The following ELP2 variants were observed in gnomAD, a reference collection of about 807,000 sequenced individuals.
ELP2 encodes elongator acetyltransferase complex subunit 2.
A neutral mutation model predicts 119.2 loss-of-function variants in ELP2; 90 were observed. The ratio of observed to expected loss-of-function variants is 0.75; its 90% confidence interval spans 0.64 to 0.90. ELP2 has a LOEUF of 0.90. ELP2 is among the 40% of genes least tolerant of loss of function. The pLI, the probability that ELP2 is intolerant of heterozygous loss-of-function variation, is 0.00. For synonymous variants in ELP2, 339 were observed against 331.0 expected, an observed-to-expected ratio of 1.02 and a Z score of -0.26; for missense variants, 921 against 967.8, an observed-to-expected ratio of 0.95 and a Z score of 0.64.
intron 6 of ELP2, among the ~76,000 whole-genome samples, chr18:36,141,673 T>G (rs8098627): frequency 0.36 from 54,465 of 151,504 alleles, 9,887 homozygotes; most frequent in Middle Eastern, 0.44. Flanking sequence ...AAAATGGTTG[T>G]GAAAGTCCAG....
At chr18:36,146,562 G>A (rs944085849) in intron 11 of ELP2, among the ~76,000 whole-genome samples, 181 bp downstream of exon 11, 4 of 152,138 alleles carry the variant, frequency 2.6e-5, no homozygotes, top group African/African-American at 4.8e-5. Flanking sequence ...AATTTGCTAC[G>A]TAAGTGCACT....
chr18:36,177,532 A>G lies in ELP2; in HGVS notation c.*2891A>G, dbSNP rs2091252775. The G allele has an allele frequency of 2.0e-5, 3 of 152,352 alleles. No individual in the cohort carries two copies. The South Asian group carries it at 6.2e-4, about 32-fold the overall frequency. 9.4% of individuals were successfully genotyped at this position (152,352 alleles called of 1,614,324 possible). ...AAATGAGGAGTTGTTTAATGGGTATAGTGTTTCAGTTTTGCAAGATAAAAA... is the reference window on the plus strand; with the variant it reads ...AAATGAGGAGTTGTTTAATGGGTATGGTGTTTCAGTTTTGCAAGATAAAAA... On this transcript the variant is annotated 3_prime_UTR_variant, in exon 22 of 22. Transcript: ENST00000358232.
In ELP2 at chr18:36,136,462, C is replaced by T. The variant is rs1043929795; in HGVS notation, c.288+85C>T. ...GTAGAGTTTCACTCTGTCACCCAGG[C>T]TGACGTGCAGTGGTGCGATCGTGGC... On this transcript the variant is annotated intron_variant, in intron 3 of 21. Coordinates refer to ENST00000358232, the MANE Select transcript of ELP2 (RefSeq NM_018255.4). 11 of 1,125,836 alleles carry T rather than the reference C, an allele frequency of 9.8e-6. No individual in the cohort carries two copies. In the Admixed American group the frequency reaches 1.7e-4, roughly 17 times the overall value. The allele number at this position is 1,125,836 out of a possible 1,614,324, so 69.7% of individuals were successfully genotyped here.
At chr18:36,161,609 T>G (rs764736890) in intron 17 of ELP2, among the ~76,000 whole-genome samples, 4 of 152,184 alleles carry the variant, frequency 2.6e-5, no homozygotes, top group Non-Finnish European at 5.9e-5. Flanking sequence ...CCATATCCTG[T>G]GGAATGATAT....
At chr18:36,151,042 C>T (rs2090380967) in intron 11 of ELP2, among the ~76,000 whole-genome samples, 1 of 151,596 alleles carries the variant, frequency 6.6e-6, no homozygotes. Context: ...TGCCCCACGC[C>T]AGATCAGATT....
At chr18:36,157,988 G>A (rs1370137878) in intron 13 of ELP2, among the ~76,000 whole-genome samples, 1 of 152,196 alleles carries the variant, frequency 6.6e-6, no homozygotes, top group Non-Finnish European at 1.5e-5. Flanking sequence ...ATCCTGTAGA[G>A]TAGCGAGCTG....
At position 36,138,309 on chromosome 18, in the gene ELP2, G is replaced by A. The variant is rs369683728; in HGVS notation, c.328G>A (p.Val110Ile). The A allele has an allele frequency of 1.9e-6, 3 of 1,614,004 alleles. No individual in the cohort carries two copies. Among genetic ancestry groups the A allele is most frequent in the African/African-American group, 1.3e-5 (1 of 74,928 alleles). The part of the protein sequence containing the change: ...AVHLQGHEGP[V>I]YAVHAVYQRR... ...GCATCTTCAAGGCCATGAAGGACCT[G>A]TTTATGCGGTGCATGCTGTTTACCA... The change falls in exon 4 of 22, where the codon GTT becomes ATT. Residue 110 changes from valine to isoleucine, a missense_variant. By Grantham distance (29) the Val-to-Ile change is conservative. Coordinates refer to ENST00000358232, the MANE Select transcript of ELP2 (RefSeq NM_018255.4).
Position 36,138,398 on chromosome 18 carries a change from T to TCG in ELP2, c.418_419dup (p.Leu141AspfsTer10). ...TTTCTGCAGCTGCAGATTCTGCTGT[T>TCG]CGACTCTGGTCTAAAAAGGGTCCAG... On this transcript the variant is annotated frameshift_variant, in exon 4 of 22. Transcript: ENST00000358232. LOFTEE classifies it high-confidence loss of function. 6.2e-7 allele frequency: 1 copy of TCG among 1,614,154 alleles called. No homozygotes were observed. Among genetic ancestry groups the TCG allele is most frequent in the Non-Finnish European group, 8.5e-7 (1 of 1,180,022 alleles).
rs751279957 is a variant in ELP2 at position 36,154,960 on chromosome 18, T to C, written c.1236T>C (p.Thr412=). ...TCACTGTTGGTACTGATCAGACAACTAGACTTTTTGCTCCATGGAAGAGAA... is the reference window on the plus strand; with the variant it reads ...TCACTGTTGGTACTGATCAGACAACCAGACTTTTTGCTCCATGGAAGAGAA... ...FIITVGTDQT[T]RLFAPWKRKD... is the part of the protein sequence containing the mutation. The change falls in exon 12 of 22, where the codon ACT becomes ACC. Residue 412 remains threonine, a synonymous_variant. Transcript: ENST00000358232. The C allele has an allele frequency of 6.2e-7, 1 of 1,614,050 alleles. No homozygotes were observed. The highest frequency in any genetic ancestry group is 1.1e-5 in the South Asian group (1 of 91,086).
At chr18:36,159,213 A>G (rs1196198625) in intron 14 of ELP2, among the ~76,000 whole-genome samples, 1 of 151,842 alleles carries the variant, frequency 6.6e-6, no homozygotes, top group Admixed American at 6.6e-5. Context: ...CCTGGCTTCA[A>G]GCAATTCTCC....
At chr18:36,150,596 A>C (rs1203899588) in intron 11 of ELP2, among the ~76,000 whole-genome samples, 1 of 152,220 alleles carries the variant, frequency 6.6e-6, no homozygotes, top group Non-Finnish European at 1.5e-5. Context: ...CTTTAGCCAT[A>C]AGCTCGAGGA....
At chr18:36,156,932 A>C (rs978640750) in intron 13 of ELP2, among the ~76,000 whole-genome samples, 8 of 152,322 alleles carry the variant, frequency 5.3e-5, no homozygotes, top group Middle Eastern at 6.8e-3. Context: ...TTAGGTACCT[A>C]GAATAGAACA....
intron 6 of ELP2, chr18:36,141,457 G>A (rs927972961): frequency 4.2e-6 from 2 of 479,516 alleles, no homozygotes; most frequent in Non-Finnish European, 3.8e-6. Flanking sequence ...GGAAGATGCT[G>A]TGGTAGTTGT....
chr18:36,168,788 A>C (rs2090983695), intron 19 of ELP2, among the ~76,000 whole-genome samples: 1 of 152,184 alleles, frequency 6.6e-6, no homozygotes, highest in Admixed American at 6.5e-5. Flanking sequence ...TCCAGCAGAC[A>C]AAGCAGCATT....
chr18:36,132,773 A>G (rs568058764), intron 1 of ELP2, among the ~76,000 whole-genome samples: 2 of 151,746 alleles, frequency 1.3e-5, no homozygotes, highest in African/African-American at 2.4e-5. Context: ...ATGCAAAGTG[A>G]ACTGTGCTTG....
chr18:36,177,139 G>A lies in ELP2; in HGVS notation c.*2498G>A, dbSNP rs1186539436. 2 of 152,096 alleles carry A rather than the reference G, an allele frequency of 1.3e-5. No individual in the cohort carries two copies. Among genetic ancestry groups the A allele is most frequent in the East Asian group, 3.8e-4 (2 of 5,200 alleles). The allele number at this position is 152,096 out of a possible 1,614,324, so 9.4% of individuals were successfully genotyped here. Reference sequence around the variant, plus strand: ...ATGAAATACATAAAAAATATGATGGGTGGAGTGACGGACACATGGACAGAT... The same window carrying A: ...ATGAAATACATAAAAAATATGATGGATGGAGTGACGGACACATGGACAGAT... On this transcript the variant is annotated 3_prime_UTR_variant, in exon 22 of 22. Transcript: ENST00000358232.
At chr18:36,132,993 G>A (rs556406209) in intron 1 of ELP2, among the ~76,000 whole-genome samples, 2 of 152,224 alleles carry the variant, frequency 1.3e-5, no homozygotes, top group East Asian at 1.9e-4. Context: ...ATGCAGACGC[G>A]AGAGCTCAGT....
rs571067150 is a variant in ELP2, at chr18:36,146,501, A to G, written c.1125+120A>G. ...TAGAGGCACTTGAAGTTCAAGTGAC[A>G]TAACTTTTTTCTGTAGACATTGTTA... On this transcript the variant is annotated intron_variant, in intron 11 of 21. Transcript: ENST00000358232. The G allele has an allele frequency of 3.7e-5, 42 of 1,130,206 alleles. 1 individual carries two copies. Among genetic ancestry groups the G allele is most frequent in the African/African-American group, 3.4e-4 (22 of 64,158 alleles). 70.0% of individuals were successfully genotyped at this position (1,130,206 alleles called of 1,614,324 possible). A position where few individuals can be genotyped will look rare whatever the true frequency, so the allele number is the denominator to read the frequency against.
rs907791896 is a variant in ELP2, at chr18:36,176,784, G to A, written c.*2143G>A. The A allele has an allele frequency of 1.3e-5, 2 of 152,142 alleles. No homozygotes were observed. Among genetic ancestry groups the A allele is most frequent in the Non-Finnish European group, 2.9e-5 (2 of 68,026 alleles). 9.4% of individuals were successfully genotyped at this position (152,142 alleles called of 1,614,324 possible). On this transcript the variant is annotated 3_prime_UTR_variant, in exon 22 of 22. Coordinates refer to ENST00000358232, the MANE Select transcript of ELP2 (RefSeq NM_018255.4). The stretch of plus-strand genomic sequence containing the variant: ...ATTGAAGCGATTCATAATATCTGAA[G>A]CAATCCCCAGATACGGGTTAGGCAT...
Sources: allele counts gnomAD v4.1 joint callset (sites outside exome capture counted in the v4.1 genomes callset), GRCh38; gene constraint gnomAD v4.1.1; transcripts MANE v1.5; gene names NCBI Gene and HGNC (gene_info 2026-07-23, HGNC 2026-07-21).